Variants in LRRIQ1 observed in about 807,000 individuals in gnomAD.
The protein encoded by LRRIQ1 is leucine rich repeats and IQ motif containing 1, also known as leucine-rich repeat- and IQ domain-containing protein 1.
Under a neutral mutation model 211.9 loss-of-function variants are expected in LRRIQ1, and 210 were observed. The ratio of observed to expected loss-of-function variants is 0.99; its 90% confidence interval spans 0.89 to 1.11. The LOEUF (loss-of-function observed/expected upper bound fraction) is 1.11. Ranked by LOEUF, LRRIQ1 falls within the 50% of genes most tolerant of loss-of-function variation. LRRIQ1 has a pLI of 0.00. For missense variants in LRRIQ1, 2,136 were observed against 1,939.5 expected (o/e 1.10, Z -1.90); for synonymous variants, 699 against 650.1 (o/e 1.08, Z -1.14).
Position 85,047,419 on chromosome 12 carries a change from C to T in LRRIQ1, c.627C>T (p.Cys209=), listed in dbSNP as rs752324549. The T allele has an allele frequency of 3.1e-6, 5 of 1,613,110 alleles. No homozygotes were observed. In the South Asian group the frequency reaches 3.3e-5, roughly 11 times the overall value. ...QFQEEEEKRH[C]WMKQFKVEKK... is the part of the protein sequence containing the mutation. Reference sequence around the variant, plus strand: ...AAGAAGAAGAAGAAAAGCGACATTGCTGGATGAAACAATTTAAAGTTGAAA... The same window carrying T: ...AAGAAGAAGAAGAAAAGCGACATTGTTGGATGAAACAATTTAAAGTTGAAA... The change falls in exon 6 of 27, where the codon TGC becomes TGT. Residue 209 remains cysteine (C), a synonymous_variant. Coordinates refer to ENST00000393217, the MANE Select transcript of LRRIQ1 (RefSeq NM_001079910.2).
intron 11 of LRRIQ1, among the ~76,000 whole-genome samples, chr12:85,097,684 A>AT (rs1886010861): frequency 1.3e-5 from 2 of 152,272 alleles, no homozygotes; most frequent in South Asian, 4.1e-4. Context: ...CATTTTCTAG[A>AT]TTTTTAATAT....
intron 24 of LRRIQ1, among the ~76,000 whole-genome samples, chr12:85,216,935 G>A (rs556448501): frequency 2.6e-5 from 4 of 151,948 alleles, no homozygotes; most frequent in Non-Finnish European, 5.9e-5. Context: ...CCAGCTATAG[G>A]GATAATTGCT....
At chr12:85,065,184 A>G in intron 8 of LRRIQ1, 78 bp from the exon 9 acceptor site, 1 of 1,195,608 alleles carries the variant, frequency 8.4e-7, no homozygotes, top group Non-Finnish European at 1.1e-6. Flanking sequence ...TTTTCTAAAC[A>G]GTTTTGTAAG....
intron 15 of LRRIQ1, among the ~76,000 whole-genome samples, chr12:85,117,309 C>G (rs188187391): frequency 6.6e-6 from 1 of 152,236 alleles, no homozygotes; most frequent in African/African-American, 2.4e-5. Flanking sequence ...GGCATTATTG[C>G]ATTTGCACTA....
In LRRIQ1 at chr12:85,198,106, T is replaced by TA. The variant is rs1253970685; in HGVS notation, c.4823-31411_4823-31410insA. Among the ~76,000 whole-genome samples, 511 of 118,394 alleles carry TA rather than the reference T, an allele frequency of 4.3e-3. 3 individuals are homozygous for TA. Among genetic ancestry groups the TA allele is most frequent in the Non-Finnish European group, 5.6e-3 (343 of 60,872 alleles). The allele number at this position is 118,394 out of a possible 152,430, so 77.7% of individuals were successfully genotyped here. On this transcript the variant is annotated intron_variant, in intron 24 of 26. Coordinates refer to ENST00000393217, the MANE Select transcript of LRRIQ1 (RefSeq NM_001079910.2). ...ATTTATTATATTATATATTATATTATTTATATATAATATATAATATATATT... is the reference window on the plus strand; with the variant it reads ...ATTTATTATATTATATATTATATTATATTATATATAATATATAATATATATT...
intron 26 of LRRIQ1, among the ~76,000 whole-genome samples, chr12:85,236,829 G>GTA (rs1565921248): frequency 1.7e-5 from 1 of 60,456 alleles, no homozygotes; most frequent in Admixed American, 1.4e-4. Flanking sequence ...GTGTATGTGT[G>GTA]CATATATATA....
chr12:85,174,932 C>A (rs1271066692), intron 24 of LRRIQ1, among the ~76,000 whole-genome samples: 1 of 151,932 alleles, frequency 6.6e-6, no homozygotes, highest in African/African-American at 2.4e-5. Flanking sequence ...AAACGAACCT[C>A]AAAGTCCTCC....
At chr12:85,109,781 C>G (rs571319527) in intron 15 of LRRIQ1, among the ~76,000 whole-genome samples, 50 of 152,134 alleles carry the variant, frequency 3.3e-4, no homozygotes, top group Non-Finnish European at 6.2e-4. Flanking sequence ...CATTTTAAAA[C>G]AAGGATATTC....
chr12:85,253,445 T>G (rs2137309280), intron 1 of LRRIQ1, among the ~76,000 whole-genome samples: 1 of 152,216 alleles, frequency 6.6e-6, no homozygotes, highest in Admixed American at 6.6e-5. Context: ...GCTCTGGTAC[T>G]GGACCAGCAC....
At chr12:85,254,838 T>A (rs1896043536) in intron 1 of LRRIQ1, among the ~76,000 whole-genome samples, 1 of 152,024 alleles carries the variant, frequency 6.6e-6, no homozygotes, top group Non-Finnish European at 1.5e-5. Flanking sequence ...ATATGAATAT[T>A]CTTTGAATAA....
At chr12:85,209,860 G>A (rs775675098) in intron 24 of LRRIQ1, among the ~76,000 whole-genome samples, 23 of 151,900 alleles carry the variant, frequency 1.5e-4, no homozygotes, top group Non-Finnish European at 2.6e-4. Context: ...AAAATTTTGA[G>A]CTTATGTAAG....
At chr12:85,227,490 C>T (rs892486042) in intron 24 of LRRIQ1, among the ~76,000 whole-genome samples, 2 of 152,062 alleles carry the variant, frequency 1.3e-5, no homozygotes, top group African/African-American at 4.8e-5. Context: ...AGTATCTGTT[C>T]ATATCCTTCG....
At chr12:85,160,573 C>A in intron 23 of LRRIQ1, 40 bp from the exon 24 acceptor site, 1 of 1,292,434 alleles carries the variant, frequency 7.7e-7, no homozygotes, top group South Asian at 1.3e-5. Context: ...AGGAATTAAC[C>A]AAAGATGAAC....
In LRRIQ1 at chr12:85,056,835, A is replaced by G. The variant is rs571369672; in HGVS notation, c.2042A>G (p.His681Arg). 1.9e-6 allele frequency: 3 copies of G among 1,613,262 alleles called. No homozygotes were observed. The highest frequency in any genetic ancestry group is 1.1e-5 in the South Asian group (1 of 91,002). ...RNDQDYVLGRHAPCEGLSNYN... is the reference protein window; with the variant it reads ...RNDQDYVLGRRAPCEGLSNYN... ...GACCAAGATTATGTGTTAGGTAGAC[A>G]TGCTCCTTGTGAGGGCTTGAGTAAC... The change falls in exon 8 of 27, where the codon CAT becomes CGT. Residue 681 changes from histidine (H) to arginine (R), a missense_variant. Coordinates refer to ENST00000393217, the MANE Select transcript of LRRIQ1 (RefSeq NM_001079910.2).
Position 85,056,551 on chromosome 12 carries a change from A to G in LRRIQ1, c.1758A>G (p.Val586=). The part of the protein sequence containing the change: ...KDNQQKKIQK[V]EKEEIQEQNG... ...ATCAGCAGAAAAAGATACAAAAAGT[A>G]GAAAAAGAAGAGATACAAGAACAGA... The change falls in exon 8 of 27, where the codon GTA becomes GTG. Residue 586 remains valine, a synonymous_variant. Transcript: ENST00000393217. 1 of 1,607,044 alleles carries G rather than the reference A, an allele frequency of 6.2e-7. No individual in the cohort carries two copies. The highest frequency in any genetic ancestry group is 8.5e-7 in the Non-Finnish European group (1 of 1,176,702).
the LRRIQ1 span, among the ~76,000 whole-genome samples, chr12:85,270,747 ACTTTCTTTATATTTACTCC>A: frequency 6.6e-6 from 1 of 152,136 alleles, no homozygotes; most frequent in Non-Finnish European, 1.5e-5. Flanking sequence ...AGATACATTA[ACTTTCTTTATATTTACTCC>A]TACCCTTGGA....
At chr12:85,242,360 AC>A (rs981294085) in intron 26 of LRRIQ1, among the ~76,000 whole-genome samples, 10 of 151,984 alleles carry the variant, frequency 6.6e-5, no homozygotes, top group Non-Finnish European at 1.0e-4. Context: ...AAATAAAAAA[AC>A]AATAGAGTAT....
At chr12:85,197,692 T>G in intron 24 of LRRIQ1, among the ~76,000 whole-genome samples, 1 of 150,192 alleles carries the variant, frequency 6.7e-6, no homozygotes, top group Non-Finnish European at 1.5e-5. Flanking sequence ...GTGGTGGGAG[T>G]GGGGAGGGAT....
At chr12:85,130,445 G>T (rs1888670941) in intron 18 of LRRIQ1, among the ~76,000 whole-genome samples, 1 of 152,122 alleles carries the variant, frequency 6.6e-6, no homozygotes, top group Non-Finnish European at 1.5e-5. Context: ...TTCAACTTTT[G>T]CTTCATTCCT....
Sources: allele counts gnomAD v4.1 joint callset (sites outside exome capture counted in the v4.1 genomes callset), GRCh38; gene constraint gnomAD v4.1.1; transcripts MANE v1.5; gene names NCBI Gene and HGNC (gene_info 2026-07-23, HGNC 2026-07-21).